ANKRD50: variants seen among roughly 807,000 people sequenced by gnomAD.
The protein encoded by ANKRD50 is ankyrin repeat domain-containing protein 50.
In ANKRD50, 40 loss-of-function variants were observed where a neutral mutation model predicts 112.0. The observed-to-expected ratio is 0.36, with a 90% CI of 0.28 to 0.46. The LOEUF (loss-of-function observed/expected upper bound fraction) is 0.46. Ranked by LOEUF, ANKRD50 falls within the 20% of genes least tolerant of loss-of-function variation. The pLI is 1.00. For missense variants in ANKRD50, 1,487 were observed against 1,701.7 expected (o/e 0.87, Z 2.22); for synonymous variants, 613 against 619.1 (o/e 0.99, Z 0.15).
Position 124,669,019 on chromosome 4 carries a change from T to C in ANKRD50, c.4258A>G (p.Ser1420Gly). Residue 1420 changes from serine to glycine, a missense_variant, in exon 4 of 5, where the codon AGC becomes GGC. Physicochemically the swap from Ser to Gly is moderately conservative, Grantham distance 56. Transcript: ENST00000504087. ...LKLQIEGSDP[S>G]FNYKKETPL The stretch of plus-strand genomic sequence containing the variant: ...GGTGTTTCCTTTTTATAGTTGAAGC[T>C]AGGGTCAGAACCTTCAATCTGAAGC... The C allele has an allele frequency of 6.2e-7, 1 of 1,607,750 alleles. No homozygotes were observed.
chr4:124,705,027 G>A (rs563573041), intron 2 of ANKRD50, among the ~76,000 whole-genome samples: 1 of 152,204 alleles, frequency 6.6e-6, no homozygotes, highest in South Asian at 2.1e-4. Flanking sequence ...CCGAGAGGCG[G>A]AGCTTGTAGT....
At chr4:124,711,511 G>C (rs1725630552) in intron 1 of ANKRD50, among the ~76,000 whole-genome samples, 1 of 152,114 alleles carries the variant, frequency 6.6e-6, no homozygotes, top group Non-Finnish European at 1.5e-5. Context: ...AGTTACCCAA[G>C]ATTTTTGCAA....
At chr4:124,695,721 G>C (rs994758550) in intron 2 of ANKRD50, among the ~76,000 whole-genome samples, 11 of 152,152 alleles carry the variant, frequency 7.2e-5, no homozygotes, top group Non-Finnish European at 1.5e-4. Context: ...GGAAAGAACT[G>C]AATTACCAAG....
chr4:124,685,432 C>T (rs562789166), intron 2 of ANKRD50, among the ~76,000 whole-genome samples: 1 of 152,288 alleles, frequency 6.6e-6, no homozygotes, highest in Admixed American at 6.5e-5. Context: ...CATCAAGTGA[C>T]ACACAGATTC....
chr4:124,665,607 A>G lies in ANKRD50; in HGVS notation c.*1911T>C, dbSNP rs1433469715. On this transcript the variant is annotated 3_prime_UTR_variant, in exon 5 of 5. Coordinates refer to ENST00000504087, the MANE Select transcript of ANKRD50 (RefSeq NM_020337.3). ...TTGGTTCTAATAATAGTATGTGTTC[A>G]TATTTATTAATAGACTCATTAACAC... The G allele has an allele frequency of 6.6e-6, 1 of 152,430 alleles. No individual in the cohort carries two copies. Among genetic ancestry groups the G allele is most frequent in the East Asian group, 1.9e-4 (1 of 5,178 alleles). 9.4% of individuals were successfully genotyped at this position (152,430 alleles called of 1,614,324 possible). A position where few individuals can be genotyped will look rare whatever the true frequency, so the allele number is the denominator to read the frequency against.
chr4:124,695,176 T>C (rs182302393), intron 2 of ANKRD50, among the ~76,000 whole-genome samples: 12 of 152,026 alleles, frequency 7.9e-5, no homozygotes, highest in Non-Finnish European at 1.5e-4. Context: ...AGAAAAAAAA[T>C]GAATACATTA....
chr4:124,676,194 T>C (rs1021046158), intron 3 of ANKRD50, among the ~76,000 whole-genome samples: 1 of 151,754 alleles, frequency 6.6e-6, no homozygotes, highest in African/African-American at 2.4e-5. Flanking sequence ...GTTATGTTTA[T>C]GAGTAGAAAG....
At chr4:124,697,197 G>A (rs1223166505) in intron 2 of ANKRD50, among the ~76,000 whole-genome samples, 8 of 152,160 alleles carry the variant, frequency 5.3e-5, no homozygotes, top group Non-Finnish European at 1.5e-5. Context: ...TAGATTCAGG[G>A]AAGAGGTCAT....
At chr4:124,702,119 GCT>G (rs75941538) in intron 2 of ANKRD50, among the ~76,000 whole-genome samples, 4,669 of 152,264 alleles carry the variant, frequency 0.031, 104 homozygotes, top group Middle Eastern at 0.071. Context: ...AGCATAATGC[GCT>G]CTGTGAGGTT....
intron 2 of ANKRD50, among the ~76,000 whole-genome samples, chr4:124,694,174 A>G (rs1725200025): frequency 6.6e-6 from 1 of 152,206 alleles, no homozygotes. Context: ...AACAAATATT[A>G]TCTATGCATT....
rs537699235 is a variant in ANKRD50, at chr4:124,672,650, T to C, written c.743-116A>G. On this transcript the variant is annotated intron_variant, in intron 3 of 4. Coordinates refer to ENST00000504087, the MANE Select transcript of ANKRD50 (RefSeq NM_020337.3). ...AAATCAATTAATAAATTAATACTAATAAGCAGATCAATTAATACCTATTAG... is the reference window on the plus strand; with the variant it reads ...AAATCAATTAATAAATTAATACTAACAAGCAGATCAATTAATACCTATTAG... 6.9e-6 allele frequency: 5 copies of C among 724,982 alleles called. No homozygotes were observed. In the South Asian group the frequency reaches 7.1e-5, roughly 10 times the overall value. 44.9% of individuals were successfully genotyped at this position (724,982 alleles called of 1,614,324 possible). A position where few individuals can be genotyped will look rare whatever the true frequency, so the allele number is the denominator to read the frequency against.
intron 2 of ANKRD50, among the ~76,000 whole-genome samples, chr4:124,692,106 T>C (rs1341437272): frequency 6.6e-6 from 1 of 152,206 alleles, no homozygotes; most frequent in East Asian, 1.9e-4. Context: ...CATAAATGAA[T>C]TTCATGTTTA....
At position 124,681,129 on chromosome 4, in the gene ANKRD50, G is replaced by T. The variant is rs182815779; in HGVS notation, c.513-2224C>A. 3.3e-5 allele frequency among the ~76,000 whole-genome samples: 5 copies of T among 151,794 alleles called. No homozygotes were observed. The East Asian group carries it at 7.8e-4, about 24-fold the overall frequency. ...TCTAGAAGGAAAGAGTGAGATATGA[G>T]GCCAATGCTTAGAACTTAGAAAAAA... On this transcript the variant is annotated intron_variant, in intron 2 of 4. Coordinates refer to ENST00000504087, the MANE Select transcript of ANKRD50 (RefSeq NM_020337.3).
chr4:124,703,088 T>C (rs1410242195), intron 2 of ANKRD50, among the ~76,000 whole-genome samples: 1 of 151,816 alleles, frequency 6.6e-6, no homozygotes, highest in Non-Finnish European at 1.5e-5. Flanking sequence ...TGAAGGCATA[T>C]GTGTAAAGAG....
intron 2 of ANKRD50, among the ~76,000 whole-genome samples, chr4:124,690,496 G>T (rs536431879): frequency 6.6e-5 from 10 of 152,190 alleles, no homozygotes; most frequent in African/African-American, 2.2e-4. Context: ...CCCCAAAAAT[G>T]TACATTTCCA....
intron 2 of ANKRD50, among the ~76,000 whole-genome samples, chr4:124,690,572 A>C (rs1303094536): frequency 6.6e-6 from 1 of 152,242 alleles, no homozygotes; most frequent in Non-Finnish European, 1.5e-5. Flanking sequence ...ACAGTACAAT[A>C]AAATAATCAG....
At position 124,669,618 on chromosome 4, in the gene ANKRD50, T is replaced by C. The variant is rs754094539; in HGVS notation, c.3659A>G (p.Gln1220Arg). Residue 1220 changes from glutamine to arginine, a missense_variant, in exon 4 of 5, where the codon CAG (glutamine) becomes CGG (arginine). By Grantham distance (43) the Gln-to-Arg change is conservative (BLOSUM62 1). Coordinates refer to ENST00000504087, the MANE Select transcript of ANKRD50 (RefSeq NM_020337.3). ...HNLSFTEQIQ[Q>R]HSLPRSRSRQ... Reference sequence around the variant, plus strand: ...ACTTCTACTGCGTGGCAATGAATGCTGCTGAATTTGTTCTGTAAATGACAA... The same window carrying C: ...ACTTCTACTGCGTGGCAATGAATGCCGCTGAATTTGTTCTGTAAATGACAA... 1 of 1,613,704 alleles carries C rather than the reference T, an allele frequency of 6.2e-7. No individual in the cohort carries two copies. Among genetic ancestry groups the C allele is most frequent in the South Asian group, 1.1e-5 (1 of 91,016 alleles).
Position 124,710,868 on chromosome 4 carries a change from A to G in ANKRD50, c.-357T>C, listed in dbSNP as rs1162877719. On this transcript the variant is annotated 5_prime_UTR_variant, in exon 2 of 5. Transcript: ENST00000504087. The stretch of plus-strand genomic sequence containing the variant: ...GATGAGACAATACATGTGGAAAACT[A>G]AAGAAAAAACCCAATCTTTCAATTT... 2.1e-5 allele frequency: 9 copies of G among 418,872 alleles called. No homozygotes were observed. The East Asian group carries it at 3.0e-4, about 14-fold the overall frequency. The allele number at this position is 418,872 out of a possible 1,614,324, so 25.9% of individuals were successfully genotyped here.
rs1725612440 is a variant in ANKRD50 at position 124,710,798 on chromosome 4, G to T, written c.-287C>A. 4.2e-6 allele frequency: 2 copies of T among 471,030 alleles called. No individual in the cohort carries two copies. The highest frequency in any genetic ancestry group is 3.7e-5 in the Admixed American group (1 of 27,326). The allele number at this position is 471,030 out of a possible 1,614,324, so 29.2% of individuals were successfully genotyped here. On this transcript the variant is annotated 5_prime_UTR_variant, in exon 2 of 5. Coordinates refer to ENST00000504087, the MANE Select transcript of ANKRD50 (RefSeq NM_020337.3). The stretch of plus-strand genomic sequence containing the variant: ...ATTTTAATGAGTCACATAACTCCAT[G>T]GTTATAACTGGAGTTTATGTGATTG...
Sources: gnomAD v4.1 joint callset for allele counts (sites outside exome capture counted in the v4.1 genomes callset) on GRCh38, gnomAD v4.1.1 for gene constraint, MANE v1.5 for transcripts, NCBI Gene and HGNC (gene_info 2026-07-23, HGNC 2026-07-21) for gene names.